MAP2K6: variants seen among roughly 807,000 people sequenced by gnomAD.
MAP2K6 encodes dual specificity mitogen-activated protein kinase kinase 6.
Under a neutral mutation model 53.7 loss-of-function variants are expected in MAP2K6, and 16 were observed. That is an observed-to-expected ratio of 0.30 (90% CI 0.20 to 0.45). The LOEUF (loss-of-function observed/expected upper bound fraction) is 0.45. Among genes scored for constraint, MAP2K6 ranks in the 20% least tolerant of loss-of-function variants. The pLI, the probability that MAP2K6 is intolerant of heterozygous loss-of-function variation, is 1.00. For missense variants in MAP2K6, 204 were observed against 411.9 expected (o/e 0.50, Z 4.37); for synonymous variants, 132 against 143.1 (o/e 0.92, Z 0.55).
rs369813633 is a variant in MAP2K6 at position 69,516,406 on chromosome 17, C to T, written c.84-449C>T. On this transcript the variant is annotated intron_variant, in intron 2 of 11. Transcript: ENST00000590474. ...AAGTGGTAATGTGAGCGATGGGGAG[C>T]TACTGTAAGTACAGGTGAAGCTTCT... Among the ~76,000 whole-genome samples the T allele has an allele frequency of 5.3e-5, 8 of 152,276 alleles. No individual in the cohort carries two copies. In the East Asian group the frequency reaches 1.5e-3, roughly 29 times the overall value.
chr17:69,499,649 T>C (rs140539618), intron 1 of MAP2K6, among the ~76,000 whole-genome samples: 45 of 152,312 alleles, frequency 3.0e-4, no homozygotes, highest in African/African-American at 1.0e-3. Flanking sequence ...TCAACAAATA[T>C]TTATGATGTG....
intron 2 of MAP2K6, among the ~76,000 whole-genome samples, chr17:69,513,613 G>C (rs184756446): frequency 6.6e-6 from 1 of 152,088 alleles, no homozygotes; most frequent in Non-Finnish European, 1.5e-5. Context: ...GGCCACAGAG[G>C]ATGCCGTTGT....
intron 1 of MAP2K6, among the ~76,000 whole-genome samples, chr17:69,484,383 T>A (rs558171640): frequency 1.6e-3 from 243 of 152,140 alleles, no homozygotes; most frequent in Non-Finnish European, 3.0e-3. Context: ...CAGTGAGATC[T>A]ACTTCACATC....
chr17:69,425,136 C>G (rs965630670), intron 1 of MAP2K6, among the ~76,000 whole-genome samples: 7 of 152,056 alleles, frequency 4.6e-5, no homozygotes, highest in African/African-American at 1.4e-4. Flanking sequence ...GACTTTTTTT[C>G]TTCCTGGTTG....
At chr17:69,490,317 C>G (rs181093605) in intron 1 of MAP2K6, among the ~76,000 whole-genome samples, 7 of 152,314 alleles carry the variant, frequency 4.6e-5, no homozygotes, top group Admixed American at 1.3e-4. Flanking sequence ...GTTAATTTCT[C>G]AACTTTGGTT....
At chr17:69,538,558 G>A (rs763097463) in intron 11 of MAP2K6, among the ~76,000 whole-genome samples, 1 of 152,146 alleles carries the variant, frequency 6.6e-6, no homozygotes, top group Non-Finnish European at 1.5e-5. Flanking sequence ...GAAAACACTT[G>A]CTGAGAGGCA....
chr17:69,439,404 T>C (rs1334973276), intron 1 of MAP2K6, among the ~76,000 whole-genome samples: 1 of 152,218 alleles, frequency 6.6e-6, no homozygotes, highest in Non-Finnish European at 1.5e-5. Flanking sequence ...TCCTCTATTC[T>C]GAGAAATAAC....
chr17:69,424,841 G>T (rs2145130621), intron 1 of MAP2K6, among the ~76,000 whole-genome samples: 1 of 152,192 alleles, frequency 6.6e-6, no homozygotes, highest in Middle Eastern at 3.4e-3. Context: ...GACTCTTAAG[G>T]TTGAGTTCCA....
intron 1 of MAP2K6, among the ~76,000 whole-genome samples, chr17:69,469,624 A>G (rs1285894780): frequency 6.6e-6 from 1 of 152,182 alleles, no homozygotes; most frequent in South Asian, 2.1e-4. Context: ...TTAGCCAGGC[A>G]TGGTGGTAGG....
At chr17:69,526,994 C>A (rs1211728404) in intron 10 of MAP2K6, among the ~76,000 whole-genome samples, 3 of 152,102 alleles carry the variant, frequency 2.0e-5, no homozygotes, top group Non-Finnish European at 4.4e-5. Flanking sequence ...GAGGGAAGAC[C>A]TCAGGATAGG....
intron 1 of MAP2K6, among the ~76,000 whole-genome samples, chr17:69,446,235 G>A (rs1906961045): frequency 6.6e-6 from 1 of 152,196 alleles, no homozygotes; most frequent in Admixed American, 6.5e-5. Context: ...CAAGAATCAA[G>A]CCAATAATTG....
rs201488756 is a variant in MAP2K6, at chr17:69,456,060, C to T, written c.16+41060C>T. ...ATTTTTAATAGAGATGTGGTTTCAC[C>T]ATGTTGGCCAGGCTGGTCTCGAACT... On this transcript the variant is annotated intron_variant, in intron 1 of 11. Coordinates refer to ENST00000590474, the MANE Select transcript of MAP2K6 (RefSeq NM_002758.4). 1.7e-4 allele frequency among the ~76,000 whole-genome samples: 26 copies of T among 152,130 alleles called. No individual in the cohort carries two copies. The East Asian group carries it at 4.6e-3, about 27-fold the overall frequency.
chr17:69,528,887 A>AAAAAAAAG, intron 10 of MAP2K6, among the ~76,000 whole-genome samples: 1 of 132,800 alleles, frequency 7.5e-6, no homozygotes, highest in South Asian at 2.3e-4. Context: ...AAAAAAAAAA[A>AAAAAAAAG]AGATGAGGCA....
At chr17:69,528,634 G>A (rs2521362) in intron 10 of MAP2K6, among the ~76,000 whole-genome samples, 95,087 of 151,554 alleles carry the variant, frequency 0.63, 30,237 homozygotes, top group Middle Eastern at 0.74. Context: ...CAAGGTGGGC[G>A]GATCACTTGA....
chr17:69,495,293 C>T (rs112918805), intron 1 of MAP2K6, among the ~76,000 whole-genome samples: 1,940 of 151,626 alleles, frequency 0.013, 38 homozygotes, highest in African/African-American at 0.044. Context: ...AGCTGGAGTG[C>T]AGTGGCGAGA....
At chr17:69,438,695 T>A (rs1026087059) in intron 1 of MAP2K6, among the ~76,000 whole-genome samples, 1 of 152,164 alleles carries the variant, frequency 6.6e-6, no homozygotes, top group African/African-American at 2.4e-5. Flanking sequence ...TCCTACCACC[T>A]CAGCCTCCCA....
intron 11 of MAP2K6, among the ~76,000 whole-genome samples, chr17:69,540,063 G>A (rs1251904037): frequency 2.6e-5 from 4 of 152,120 alleles, no homozygotes; most frequent in Non-Finnish European, 4.4e-5. Flanking sequence ...ATACTTAATC[G>A]CGACCAGCTA....
intron 1 of MAP2K6, among the ~76,000 whole-genome samples, chr17:69,419,847 G>A (rs1216947671): frequency 2.0e-5 from 3 of 151,612 alleles, no homozygotes; most frequent in African/African-American, 7.3e-5. Context: ...CTGGGAGGTG[G>A]AGGTTGCAAT....
intron 1 of MAP2K6, among the ~76,000 whole-genome samples, chr17:69,437,725 G>C (rs1205864017): frequency 6.6e-6 from 1 of 152,136 alleles, no homozygotes; most frequent in African/African-American, 2.4e-5. Context: ...ACTTATTAAG[G>C]TGTTGCTCTT....
Sources: gnomAD v4.1 joint callset for allele counts (sites outside exome capture counted in the v4.1 genomes callset) on GRCh38, gnomAD v4.1.1 for gene constraint, MANE v1.5 for transcripts, NCBI Gene and HGNC (gene_info 2026-07-23, HGNC 2026-07-21) for gene names.